Variants in MAPRE2 observed in about 807,000 individuals in gnomAD.
MAPRE2 encodes microtubule-associated protein RP/EB family member 2.
MAPRE2 carries 13 observed loss-of-function variants against 43.2 expected under a neutral mutation model. The observed-to-expected ratio is 0.30, with a 90% CI of 0.20 to 0.48. The LOEUF (loss-of-function observed/expected upper bound fraction) is 0.48. MAPRE2 is among the 20% of genes least tolerant of loss of function. The probability of loss-of-function intolerance (pLI) is 0.99; values close to 1 mark genes in which losing one functional copy is unlikely to be tolerated. For missense variants in MAPRE2, 161 were observed against 400.2 expected, an observed-to-expected ratio of 0.40 and a Z score of 5.10; for synonymous variants, 135 against 148.8, an observed-to-expected ratio of 0.91 and a Z score of 0.68.
rs567598563 is a variant in MAPRE2 at position 35,070,585 on chromosome 18, C to A, written c.250+263C>A. On this transcript the variant is annotated intron_variant, in intron 2 of 6. Coordinates refer to ENST00000300249, the MANE Select transcript of MAPRE2 (RefSeq NM_014268.4). ...AGCTTCGTAATGCCTTTCACTGGCT[C>A]CTAGCCTCTTCTCTGTCATCCCATC... is the stretch of plus-strand genomic sequence containing the variant. The A allele has an allele frequency of 6.8e-4, 164 of 241,250 alleles. 3 individuals carry two copies. The South Asian group carries it at 0.018, about 27-fold the overall frequency. The allele number at this position is 241,250 out of a possible 1,614,324, so 14.9% of individuals were successfully genotyped here.
chr18:35,044,585 G>A (rs1905528323), intron 1 of MAPRE2, among the ~76,000 whole-genome samples: 1 of 152,202 alleles, frequency 6.6e-6, no homozygotes, highest in South Asian at 2.1e-4. Context: ...AGCCCCCGTT[G>A]TTAGAGAGAT....
intron 1 of MAPRE2, among the ~76,000 whole-genome samples, chr18:34,986,115 G>T (rs1603386422): frequency 6.6e-6 from 1 of 151,988 alleles, no homozygotes; most frequent in Non-Finnish European, 1.5e-5. Context: ...ACAAGAAAAG[G>T]TACCTAGAAA....
At chr18:35,066,075 T>C (rs1906825328) in intron 1 of MAPRE2, among the ~76,000 whole-genome samples, 2 of 152,260 alleles carry the variant, frequency 1.3e-5, no homozygotes, top group Admixed American at 1.3e-4. Context: ...CACAGTGAGT[T>C]GCTCCTTGTT....
chr18:34,992,111 C>T (rs1054474986), intron 1 of MAPRE2, among the ~76,000 whole-genome samples: 4 of 152,044 alleles, frequency 2.6e-5, no homozygotes, highest in East Asian at 1.9e-4. Flanking sequence ...GACTTTTGGA[C>T]GCTGATTTCT....
intron 5 of MAPRE2, among the ~76,000 whole-genome samples, chr18:35,131,441 G>C (rs4799785): frequency 0.15 from 23,110 of 152,074 alleles, 2,058 homozygotes; most frequent in South Asian, 0.24. Context: ...GGATGTCCAA[G>C]ATCAAGGCGC....
At chr18:35,135,197 C>A (rs912902371) in intron 6 of MAPRE2, among the ~76,000 whole-genome samples, 4 of 152,168 alleles carry the variant, frequency 2.6e-5, no homozygotes, top group Non-Finnish European at 5.9e-5. Context: ...AGAGAGTAAG[C>A]CGTTTGATCT....
At chr18:34,994,577 T>C (rs1000387518) in intron 1 of MAPRE2, among the ~76,000 whole-genome samples, 2 of 152,146 alleles carry the variant, frequency 1.3e-5, no homozygotes, top group African/African-American at 4.8e-5. Context: ...CGCATCCACA[T>C]GATCCCTGAA....
At chr18:35,086,482 ATAGCTGATACT>A (rs1568998227) in intron 2 of MAPRE2, among the ~76,000 whole-genome samples, 1 of 152,022 alleles carries the variant, frequency 6.6e-6, no homozygotes, top group African/African-American at 2.4e-5. Context: ...TAGAAAAGGT[ATAGCTGATACT>A]TCTAACACCA....
chr18:35,065,084 C>G (rs926068949), intron 1 of MAPRE2, among the ~76,000 whole-genome samples: 1 of 152,004 alleles, frequency 6.6e-6, no homozygotes, highest in African/African-American at 2.4e-5. Flanking sequence ...GGCCTGAGGT[C>G]AGGAGTTCCA....
chr18:34,983,438 C>A (rs1227724487), intron 1 of MAPRE2, among the ~76,000 whole-genome samples: 1 of 152,054 alleles, frequency 6.6e-6, no homozygotes, highest in East Asian at 1.9e-4. Flanking sequence ...TGAACACTTG[C>A]CTTAACTCTT....
chr18:35,102,283 G>A, intron 4 of MAPRE2, 124 bp downstream of exon 4: 1 of 655,412 alleles, frequency 1.5e-6, no homozygotes, highest in Non-Finnish European at 2.5e-6. Context: ...GCCTTCGGAT[G>A]ATTTCTACTG....
At chr18:35,076,688 T>C (rs1443087457) in intron 2 of MAPRE2, among the ~76,000 whole-genome samples, 1 of 152,198 alleles carries the variant, frequency 6.6e-6, no homozygotes, top group African/African-American at 2.4e-5. Context: ...TAAAGAAATA[T>C]AAAGGATTTT....
rs529290048 is a variant in MAPRE2 at position 35,105,057 on chromosome 18, G to C, written c.610+2898G>C. Among the ~76,000 whole-genome samples the C allele has an allele frequency of 4.8e-4, 73 of 152,034 alleles. 1 individual carries two copies. The South Asian group carries it at 0.015, about 31-fold the overall frequency. ...TATTCCTCCACACCCAAATAGCACT[G>C]TTACTATGCTACCTTGGCCTCGTTT... On this transcript the variant is annotated intron_variant, in intron 4 of 6. Transcript: ENST00000300249.
At chr18:35,074,144 A>G (rs889306201) in intron 2 of MAPRE2, among the ~76,000 whole-genome samples, 5 of 152,356 alleles carry the variant, frequency 3.3e-5, no homozygotes, top group African/African-American at 1.2e-4. Context: ...TTGCTCACCT[A>G]GATCTATTTT....
At chr18:35,047,752 A>C (rs931123990) in intron 1 of MAPRE2, among the ~76,000 whole-genome samples, 4 of 151,756 alleles carry the variant, frequency 2.6e-5, no homozygotes, top group East Asian at 1.9e-4. Flanking sequence ...TTCAGTGTCA[A>C]ATCTCCCCAA....
At chr18:35,118,241 G>A (rs922073940) in intron 4 of MAPRE2, among the ~76,000 whole-genome samples, 6 of 152,050 alleles carry the variant, frequency 3.9e-5, no homozygotes, top group South Asian at 4.2e-4. Context: ...CCTGCAGCGC[G>A]CCTCACTCGT....
chr18:35,004,522 A>G lies in MAPRE2; in HGVS notation c.-69-970A>G, dbSNP rs377259446. 5.0e-4 allele frequency among the ~76,000 whole-genome samples: 76 copies of G among 152,280 alleles called. 1 individual carries two copies. In the East Asian group the frequency reaches 0.013, roughly 27 times the overall value. ...TCTCAAAGCAAACTCAGACTCCTCC[A>G]TTTCTTAGCCTCCAGAATTGGATTT... On this transcript the variant is annotated intron_variant, in intron 1 of 7. Transcript: ENST00000413393.
At chr18:35,071,836 A>G (rs1907130732) in intron 2 of MAPRE2, among the ~76,000 whole-genome samples, 1 of 152,208 alleles carries the variant, frequency 6.6e-6, no homozygotes, top group Non-Finnish European at 1.5e-5. Context: ...TTTTCCCACG[A>G]GGAAGACAGT....
chr18:35,041,260 C>A, upstream of MAPRE2: 1 of 1,292,682 alleles, frequency 7.7e-7, no homozygotes, highest in African/African-American at 1.5e-5. Flanking sequence ...GGCGTGGTCA[C>A]GCCGCGACCC....
Sources: gnomAD v4.1 joint callset for allele counts (sites outside exome capture counted in the v4.1 genomes callset) on GRCh38, gnomAD v4.1.1 for gene constraint, MANE v1.5 for transcripts, NCBI Gene and HGNC (gene_info 2026-07-23, HGNC 2026-07-21) for gene names.